Variants in DENND5A observed in about 807,000 individuals in gnomAD.
DENND5A encodes the protein DENN domain-containing protein 5A.
DENND5A carries 64 observed loss-of-function variants against 140.3 expected under a neutral mutation model. That is an observed-to-expected ratio of 0.46 (90% CI 0.37 to 0.56). The LOEUF is 0.56. DENND5A is among the 20% of genes least tolerant of loss of function. The probability of loss-of-function intolerance (pLI) is 0.00; values close to 1 mark genes in which losing one functional copy is unlikely to be tolerated. For synonymous variants in DENND5A, 605 were observed against 607.7 expected (o/e 1.00, Z 0.07); for missense variants, 1,292 against 1,593.8 (o/e 0.81, Z 3.22).
At chr11:9,181,127 C>T in intron 5 of DENND5A, 43 bp from the exon 6 acceptor site, 1 of 1,552,076 alleles carries the variant, frequency 6.4e-7, no homozygotes, top group Non-Finnish European at 8.7e-7. Context: ...AACTCCAGAG[C>T]ATTACAGGAA....
chr11:9,191,273 G>A (rs1002082446), intron 5 of DENND5A, among the ~76,000 whole-genome samples: 1 of 151,694 alleles, frequency 6.6e-6, no homozygotes, highest in Admixed American at 6.6e-5. Context: ...GCAGTGGCGC[G>A]ATCCACCCAG....
At chr11:9,201,589 G>C (rs1037275117) in intron 4 of DENND5A, among the ~76,000 whole-genome samples, 1 of 152,120 alleles carries the variant, frequency 6.6e-6, no homozygotes, top group South Asian at 2.1e-4. Flanking sequence ...AGGATCACTT[G>C]AGCATGGGAG....
intron 12 of DENND5A, among the ~76,000 whole-genome samples, chr11:9,157,957 T>C (rs755829386): frequency 6.6e-5 from 10 of 152,332 alleles, no homozygotes; most frequent in South Asian, 2.1e-4. Flanking sequence ...TCACAGTTCA[T>C]AGTGTTGCTA....
intron 11 of DENND5A, among the ~76,000 whole-genome samples, chr11:9,164,194 A>ATTTTTTTTTTTT (rs779522112): frequency 5.1e-5 from 4 of 79,068 alleles, no homozygotes; most frequent in African/African-American, 1.9e-4. Context: ...ACCACGCCTA[A>ATTTTTTTTTTTT]TTTTTTTTTT....
At chr11:9,238,477 C>T (rs1851095706) in intron 1 of DENND5A, among the ~76,000 whole-genome samples, 1 of 151,030 alleles carries the variant, frequency 6.6e-6, no homozygotes, top group Non-Finnish European at 1.5e-5. Flanking sequence ...GCTGCAGTGG[C>T]GCCATCTCGG....
chr11:9,172,811 CT>C (rs963262614), intron 8 of DENND5A, among the ~76,000 whole-genome samples: 3 of 151,772 alleles, frequency 2.0e-5, no homozygotes, highest in African/African-American at 4.8e-5. Context: ...GGAGCGACAT[CT>C]TTTTTTTATT....
At chr11:9,213,469 G>T (rs1849958612) in intron 1 of DENND5A, among the ~76,000 whole-genome samples, 1 of 151,236 alleles carries the variant, frequency 6.6e-6, no homozygotes, top group South Asian at 2.1e-4. Flanking sequence ...AACCTCTCAG[G>T]GTTTTTAAAA....
chr11:9,147,874 C>G (rs1242359895), intron 15 of DENND5A, among the ~76,000 whole-genome samples: 2 of 152,186 alleles, frequency 1.3e-5, no homozygotes, highest in African/African-American at 4.8e-5. Flanking sequence ...AATGTACAGG[C>G]CTTCAACACA....
chr11:9,151,622 G>A (rs1320543035), intron 13 of DENND5A, among the ~76,000 whole-genome samples: 1 of 152,132 alleles, frequency 6.6e-6, no homozygotes, highest in Non-Finnish European at 1.5e-5. Context: ...GTAAACAAAT[G>A]TCTGGCAGAG....
rs572425390 is a variant in DENND5A, at chr11:9,180,182, G to A, written c.1455+585C>T. 1.1e-4 allele frequency among the ~76,000 whole-genome samples: 16 copies of A among 152,196 alleles called. No homozygotes were observed. In the East Asian group the frequency reaches 2.7e-3, roughly 26 times the overall value. On this transcript the variant is annotated intron_variant, in intron 6 of 22. Transcript: ENST00000328194. ...TCTAAAAGAGATCTGGGCCTGGCAC[G>A]GTGGCTCACACTTATAATCCCACCA...
rs547204863 is a variant in DENND5A at position 9,145,382 on chromosome 11, T to C, written c.3004-269A>G. On this transcript the variant is annotated intron_variant, in intron 17 of 22. Transcript: ENST00000328194. ...GGGTTCTGAGGTCTCTGGGAACAGGTGGGCTGAGTAGCTGAAAGAACTCCT... is the reference window on the plus strand; with the variant it reads ...GGGTTCTGAGGTCTCTGGGAACAGGCGGGCTGAGTAGCTGAAAGAACTCCT... 1,109 of 580,100 alleles carry C rather than the reference T, an allele frequency of 1.9e-3. 1 individual carries two copies. The highest frequency in any genetic ancestry group is 2.6e-3 in the Non-Finnish European group (854 of 327,254). 35.9% of individuals were successfully genotyped at this position (580,100 alleles called of 1,614,324 possible). A position where few individuals can be genotyped will look rare whatever the true frequency, so the allele number is the denominator to read the frequency against.
intron 4 of DENND5A, 38 bp downstream of exon 4, chr11:9,203,622 C>T: frequency 6.4e-7 from 1 of 1,571,778 alleles, no homozygotes. Context: ...GCAAAGAAGC[C>T]TGAGGCAGGC....
intron 1 of DENND5A, among the ~76,000 whole-genome samples, chr11:9,224,863 A>C (rs1340808811): frequency 1.4e-5 from 2 of 138,680 alleles, no homozygotes; most frequent in African/African-American, 5.0e-5. Context: ...ATCCAAAAAA[A>C]AAAAAAAAAA....
rs550083015 is a variant in DENND5A, at chr11:9,209,147, C to T, written c.110-1515G>A. Among the ~76,000 whole-genome samples the T allele has an allele frequency of 9.9e-5, 15 of 152,262 alleles. No homozygotes were observed. The East Asian group carries it at 2.5e-3, about 25-fold the overall frequency. ...CAGAAAATCCCCTCAGTAAAAACCA[C>T]GAAATATCACAACAGAGAGAGGAAT... On this transcript the variant is annotated intron_variant, in intron 1 of 22. Coordinates refer to ENST00000328194, the MANE Select transcript of DENND5A (RefSeq NM_015213.4).
chr11:9,162,739 T>A (rs1848030416), intron 11 of DENND5A, among the ~76,000 whole-genome samples: 1 of 152,086 alleles, frequency 6.6e-6, no homozygotes, highest in Admixed American at 6.6e-5. Context: ...CTCTCTCTGT[T>A]GCCTAGACTG....
intron 8 of DENND5A, among the ~76,000 whole-genome samples, chr11:9,177,672 G>T (rs1184316057): frequency 6.6e-6 from 1 of 150,476 alleles, no homozygotes; most frequent in African/African-American, 2.5e-5. Context: ...AGAAAAAAGG[G>T]CAGAAAAGAA....
intron 1 of DENND5A, among the ~76,000 whole-genome samples, chr11:9,248,354 C>T (rs1407984935): frequency 1.3e-5 from 2 of 151,930 alleles, no homozygotes; most frequent in Non-Finnish European, 2.9e-5. Flanking sequence ...TAATGGTGGT[C>T]ATGACTTAAA....
rs771673860 is a variant in DENND5A at position 9,204,261 on chromosome 11, T to A, written c.348A>T (p.Gln116His). Reference sequence around the variant, plus strand: ...CCCTTGTGATAATAAAGGCATGGAATTGGGGCTCCCTGGGATCAGCCTGGG... The same window carrying A: ...CCCTTGTGATAATAAAGGCATGGAAATGGGGCTCCCTGGGATCAGCCTGGG... ...FKTQADPREP[Q>H]FHAFIITRED... is the part of the protein sequence containing the mutation. Residue 116 changes from glutamine (Q) to histidine (H), a missense_variant, in exon 4 of 23, where the codon CAA becomes CAT. Coordinates refer to ENST00000328194, the MANE Select transcript of DENND5A (RefSeq NM_015213.4). 6.2e-7 allele frequency: 1 copy of A among 1,613,962 alleles called. No homozygotes were observed. Among genetic ancestry groups the A allele is most frequent in the South Asian group, 1.1e-5 (1 of 91,080 alleles).
intron 1 of DENND5A, among the ~76,000 whole-genome samples, chr11:9,235,134 T>C (rs529652766): frequency 3.9e-5 from 6 of 152,300 alleles, no homozygotes; most frequent in African/African-American, 1.4e-4. Context: ...ATTCCATTCT[T>C]GGATATATAC....
Sources: gnomAD v4.1 joint callset for allele counts (sites outside exome capture counted in the v4.1 genomes callset) on GRCh38, gnomAD v4.1.1 for gene constraint, MANE v1.5 for transcripts, NCBI Gene and HGNC (gene_info 2026-07-23, HGNC 2026-07-21) for gene names.